Variants in CPS1 observed in about 807,000 individuals in gnomAD.
The protein encoded by CPS1 is carbamoyl-phosphate synthase [ammonia], mitochondrial.
CPS1 carries 109 observed loss-of-function variants against 174.6 expected under a neutral mutation model. That is an observed-to-expected ratio of 0.62 (90% CI 0.53 to 0.73). CPS1 has a LOEUF of 0.73. Among genes scored for constraint, CPS1 ranks in the 30% least tolerant of loss-of-function variants. CPS1 has a pLI of 0.00. For missense variants in CPS1, 1,689 were observed against 1,821.9 expected (o/e 0.93, Z 1.33); for synonymous variants, 637 against 632.0 (o/e 1.01, Z -0.12).
chr2:210,507,353 G>C (rs1023515779), intron 1 of CPS1, among the ~76,000 whole-genome samples: 4 of 152,144 alleles, frequency 2.6e-5, no homozygotes, highest in African/African-American at 9.7e-5. Context: ...CACCAGGCCT[G>C]CCCTAAAAGA....
At chr2:210,485,885 C>T (rs533457319) in intron 1 of CPS1, among the ~76,000 whole-genome samples, 3 of 152,098 alleles carry the variant, frequency 2.0e-5, no homozygotes, top group African/African-American at 7.2e-5. Flanking sequence ...TTCCCACCAG[C>T]AGTTTATGAG....
upstream of CPS1, among the ~76,000 whole-genome samples, chr2:210,551,747 C>A (rs890920218): frequency 2.0e-4 from 30 of 151,922 alleles, no homozygotes; most frequent in Admixed American, 2.0e-3. Context: ...TCCTCACTTT[C>A]TATTCCTCAA....
chr2:210,676,299 A>G (rs1701534282), intron 36 of CPS1, among the ~76,000 whole-genome samples: 2 of 152,356 alleles, frequency 1.3e-5, no homozygotes, highest in Middle Eastern at 3.4e-3. Context: ...TTCCTTGACC[A>G]GGTTTTCATG....
chr2:210,677,280 T>C (rs1574681696), intron 37 of CPS1, 144 bp downstream of exon 37: 1 of 868,374 alleles, frequency 1.2e-6, no homozygotes, highest in South Asian at 1.6e-5. Flanking sequence ...TCTAAAATAA[T>C]GATGCTAACA....
intron 19 of CPS1, among the ~76,000 whole-genome samples, chr2:210,611,184 A>G (rs886358116): frequency 1.3e-5 from 2 of 151,918 alleles, no homozygotes; most frequent in Non-Finnish European, 2.9e-5. Flanking sequence ...AATTTGGAAC[A>G]GTGTGAAAAG....
At chr2:210,498,802 A>G (rs904042443) in intron 1 of CPS1, among the ~76,000 whole-genome samples, 1 of 152,078 alleles carries the variant, frequency 6.6e-6, no homozygotes, top group Non-Finnish European at 1.5e-5. Context: ...TGTGGAGTGT[A>G]GAGGGCCTTG....
Position 210,598,540 on chromosome 2 carries a change from G to GA in CPS1, c.1360-823dup, listed in dbSNP as rs35523666. 4.2e-3 allele frequency among the ~76,000 whole-genome samples: 622 copies of GA among 149,638 alleles called. 6 individuals carry two copies. Among genetic ancestry groups the GA allele is most frequent in the African/African-American group, 0.014 (561 of 40,758 alleles). On this transcript the variant is annotated intron_variant, in intron 13 of 37. Transcript: ENST00000233072. Reference sequence around the variant, plus strand: ...AAATCTACCAAGCAAATGGAAAACAGAAAAAAAAAGGGGATACAATCCTAA... The same window carrying GA: ...AAATCTACCAAGCAAATGGAAAACAGAAAAAAAAAAGGGGATACAATCCTAA...
intron 1 of CPS1, among the ~76,000 whole-genome samples, chr2:210,505,839 G>T (rs1177770517): frequency 6.6e-6 from 1 of 152,216 alleles, no homozygotes; most frequent in Non-Finnish European, 1.5e-5. Flanking sequence ...CGAGGCTGGG[G>T]GAGGGGCACC....
chr2:210,601,129 G>A (rs1001053956), intron 15 of CPS1, among the ~76,000 whole-genome samples: 15 of 151,814 alleles, frequency 9.9e-5, no homozygotes, highest in Non-Finnish European at 1.9e-4. Context: ...AAACATTTTA[G>A]AATAAAATGG....
chr2:210,482,998 T>TA (rs1271137303), intron 1 of CPS1, among the ~76,000 whole-genome samples: 2 of 152,176 alleles, frequency 1.3e-5, no homozygotes, highest in African/African-American at 4.8e-5. Flanking sequence ...ACCAGAAACT[T>TA]AAACATATTT....
At chr2:210,490,287 A>G (rs1694839653) in intron 1 of CPS1, among the ~76,000 whole-genome samples, 1 of 152,162 alleles carries the variant, frequency 6.6e-6, no homozygotes, top group Non-Finnish European at 1.5e-5. Context: ...TGACCTACAA[A>G]TTGTCTCTAA....
intron 21 of CPS1, among the ~76,000 whole-genome samples, chr2:210,624,421 A>G (rs1013813552): frequency 2.0e-5 from 3 of 152,124 alleles, no homozygotes; most frequent in Admixed American, 1.3e-4. Context: ...AGCCATTTAT[A>G]TAATGAACCT....
chr2:210,483,290 C>T (rs953426649), intron 1 of CPS1, among the ~76,000 whole-genome samples: 1 of 152,112 alleles, frequency 6.6e-6, no homozygotes, highest in Admixed American at 6.5e-5. Flanking sequence ...TAATCCACAT[C>T]CCCTTCCTAA....
At chr2:210,573,223 G>A (rs1279686345) in intron 1 of CPS1, 75 bp from the exon 2 acceptor site, 45 of 1,251,682 alleles carry the variant, frequency 3.6e-5, no homozygotes, top group Non-Finnish European at 5.3e-5. Context: ...ATATGTCTGT[G>A]TATTTTACCT....
At chr2:210,530,701 C>T (rs1254273083) in intron 1 of CPS1, among the ~76,000 whole-genome samples, 1 of 152,084 alleles carries the variant, frequency 6.6e-6, no homozygotes, top group Non-Finnish European at 1.5e-5. Flanking sequence ...AAGAAACTTA[C>T]TGCAGCATCG....
intron 1 of CPS1, among the ~76,000 whole-genome samples, chr2:210,508,345 A>C (rs1158767362): frequency 6.6e-6 from 1 of 151,786 alleles, no homozygotes; most frequent in Non-Finnish European, 1.5e-5. Flanking sequence ...ACAAAGACAC[A>C]ACATACCAGA....
intron 1 of CPS1, among the ~76,000 whole-genome samples, chr2:210,527,331 A>G (rs1696001284): frequency 6.6e-6 from 1 of 151,962 alleles, no homozygotes; most frequent in African/African-American, 2.4e-5. Context: ...AAGATGGAAC[A>G]TTATGCACAT....
intron 21 of CPS1, chr2:210,618,464 G>A (rs1050336740): frequency 2.0e-5 from 3 of 152,136 alleles, no homozygotes; most frequent in African/African-American, 7.2e-5. Context: ...GGAACTCACA[G>A]ATGATCCACG....
chr2:210,660,659 A>G lies in CPS1; in HGVS notation c.3927+4A>G, dbSNP rs755043373. ...TGCTGACTATGTTGCAATTAAGGTA[A>G]CATTTTCAAAAATTTATTAGTCATT... On this transcript the variant is annotated splice_donor_region_variant and intron_variant, in intron 32 of 37. Transcript: ENST00000233072. 1.9e-6 allele frequency: 3 copies of G among 1,613,436 alleles called. No individual in the cohort carries two copies. The highest frequency in any genetic ancestry group is 3.3e-5 in the Admixed American group (2 of 60,000).
Sources: allele counts gnomAD v4.1 joint callset (sites outside exome capture counted in the v4.1 genomes callset), GRCh38; gene constraint gnomAD v4.1.1; transcripts MANE v1.5; gene names NCBI Gene and HGNC (gene_info 2026-07-23, HGNC 2026-07-21).